The following SLCO1A2 variants were observed in gnomAD, a reference collection of about 807,000 sequenced individuals.
SLCO1A2 encodes OATP-1.
In SLCO1A2, 67 loss-of-function variants were observed where a neutral mutation model predicts 69.0. The ratio of observed to expected loss-of-function variants is 0.97; its 90% CI spans 0.80 to 1.19. The LOEUF is 1.19. SLCO1A2 is among the 50% of genes most tolerant of loss of function. SLCO1A2 has a pLI of 0.00. For synonymous variants in SLCO1A2, 260 were observed against 265.9 expected (o/e 0.98, Z 0.22); for missense variants, 787 against 793.7 (o/e 0.99, Z 0.10).
At chr12:21,396,666 T>C (rs1357730439), upstream of SLCO1A2, among the ~76,000 whole-genome samples, 97 of 152,024 alleles carry the variant, frequency 6.4e-4, no homozygotes, top group African/African-American at 1.2e-3. Flanking sequence ...AGACTAAAAG[T>C]GGATCTCTCA....
chr12:21,338,571 T>C (rs553617749), upstream of SLCO1A2, among the ~76,000 whole-genome samples: 4 of 151,998 alleles, frequency 2.6e-5, no homozygotes, highest in Non-Finnish European at 5.9e-5. Context: ...TACACTGAGG[T>C]CTCTTTTCTC....
At chr12:21,413,965 TTTTG>T (rs934615428) in intron 1 of SLCO1A2, among the ~76,000 whole-genome samples, 8 of 152,246 alleles carry the variant, frequency 5.3e-5, no homozygotes, top group South Asian at 4.1e-4. Context: ...TTAGCAAGCT[TTTTG>T]TTTGTTTGTT....
chr12:21,319,204 A>G (rs1951268879), intron 2 of SLCO1A2, among the ~76,000 whole-genome samples: 1 of 152,260 alleles, frequency 6.6e-6, no homozygotes, highest in Admixed American at 6.5e-5. Context: ...TAAGTAATAC[A>G]TAGCTGATAA....
intron 1 of SLCO1A2, chr12:21,378,353 G>C: frequency 6.2e-7 from 1 of 1,614,152 alleles, no homozygotes; most frequent in Non-Finnish European, 8.5e-7. Flanking sequence ...ACCAACGTGG[G>C]ATCCAATACA....
intron 2 of SLCO1A2, among the ~76,000 whole-genome samples, chr12:21,348,145 G>A (rs1229746854): frequency 6.6e-6 from 1 of 152,096 alleles, no homozygotes; most frequent in African/African-American, 2.4e-5. Flanking sequence ...ATATGTTTAT[G>A]GGGTACATGA....
At position 21,280,839 on chromosome 12, in the gene SLCO1A2, G is replaced by C. The variant is rs564781259; in HGVS notation, c.1611-5415C>G. Among the ~76,000 whole-genome samples, 25 of 151,256 alleles carry C rather than the reference G, an allele frequency of 1.7e-4. 1 individual carries two copies. In the East Asian group the frequency reaches 4.8e-3, roughly 29 times the overall value. The stretch of plus-strand genomic sequence containing the variant: ...ATTCTCAAGGATAGACCATATGTTA[G>C]CTCACAAACCAAGTCTTAAAACATC... On this transcript the variant is annotated intron_variant, in intron 12 of 14. Coordinates refer to ENST00000683939, the MANE Select transcript of SLCO1A2 (RefSeq NM_001386879.1).
intron 3 of SLCO1A2, among the ~76,000 whole-genome samples, chr12:21,317,432 G>A (rs1402886853): frequency 6.6e-6 from 1 of 151,968 alleles, no homozygotes; most frequent in Non-Finnish European, 1.5e-5. Context: ...TCTTCTCCTA[G>A]AAAATTTTAG....
exon 1 of SLCO1A2, chr12:21,395,113 G>C (rs150131137): frequency 1.1e-3 from 179 of 157,210 alleles, no homozygotes; most frequent in African/African-American, 4.1e-3. Flanking sequence ...CTGAGGTACC[G>C]GGTTCATCTC....
chr12:21,364,929 C>T (rs1032439993), intron 2 of SLCO1A2, among the ~76,000 whole-genome samples: 3 of 152,162 alleles, frequency 2.0e-5, no homozygotes, highest in South Asian at 2.1e-4. Flanking sequence ...ATTTCATGCT[C>T]GTGGATAGGA....
At chr12:21,289,184 C>CTGTGTGTG (rs10636619) in intron 12 of SLCO1A2, among the ~76,000 whole-genome samples, 2,394 of 136,956 alleles carry the variant, frequency 0.017, 36 homozygotes, top group East Asian at 0.05. Flanking sequence ...TGGTACCATT[C>CTGTGTGTG]TGTGTGTGTG....
intron 1 of SLCO1A2, chr12:21,378,107 C>T: frequency 2.5e-6 from 2 of 805,518 alleles, no homozygotes; most frequent in South Asian, 3.7e-5. Flanking sequence ...GTTTGCAAAC[C>T]AAAACACTGA....
At chr12:21,348,344 C>T (rs1356939268) in intron 2 of SLCO1A2, among the ~76,000 whole-genome samples, 1 of 152,088 alleles carries the variant, frequency 6.6e-6, no homozygotes, top group Non-Finnish European at 1.5e-5. Context: ...CTTATTCATT[C>T]TGTCTATTTT....
At chr12:21,307,902 T>A (rs1215526141) in intron 4 of SLCO1A2, among the ~76,000 whole-genome samples, 1 of 152,142 alleles carries the variant, frequency 6.6e-6, no homozygotes, top group Non-Finnish European at 1.5e-5. Flanking sequence ...GAACAATTGC[T>A]CATTGATGCC....
At chr12:21,372,247 T>C (rs184165672) in intron 2 of SLCO1A2, among the ~76,000 whole-genome samples, 1 of 152,292 alleles carries the variant, frequency 6.6e-6, no homozygotes, top group East Asian at 1.9e-4. Flanking sequence ...TACATATACC[T>C]ATGGATCTCT....
Position 21,379,357 on chromosome 12 carries a change from T to C in SLCO1A2, c.-189-4832A>G, listed in dbSNP as rs547477535. 2.6e-5 allele frequency: 4 copies of C among 152,342 alleles called. No individual in the cohort carries two copies. In the East Asian group the frequency reaches 7.7e-4, roughly 29 times the overall value. The allele number at this position is 152,342 out of a possible 1,614,324, so 9.4% of individuals were successfully genotyped here. A position where few individuals can be genotyped will look rare whatever the true frequency, so the allele number is the denominator to read the frequency against. On this transcript the variant is annotated intron_variant, in intron 1 of 15. Transcript: ENST00000307378. ...TTAGCAGCAGTGAGCTTCTATTAAA[T>C]GTATATGTCATTTATTTTGTTTAAG...
chr12:21,393,232 C>T (rs546523715), intron 1 of SLCO1A2, among the ~76,000 whole-genome samples: 2 of 152,210 alleles, frequency 1.3e-5, no homozygotes, highest in Admixed American at 1.3e-4. Flanking sequence ...CGATAATAAA[C>T]CTTCTATCAA....
At chr12:21,393,463 T>C (rs527478554) in intron 1 of SLCO1A2, among the ~76,000 whole-genome samples, 12 of 152,314 alleles carry the variant, frequency 7.9e-5, no homozygotes, top group African/African-American at 2.9e-4. Flanking sequence ...TCAATATAGA[T>C]ATAAAATTCT....
intron 1 of SLCO1A2, among the ~76,000 whole-genome samples, chr12:21,402,374 G>A (rs1298984633): frequency 6.6e-6 from 1 of 151,952 alleles, no homozygotes; most frequent in South Asian, 2.1e-4. Context: ...TATAAGAGAG[G>A]AAAATGCAAA....
chr12:21,312,018 G>A (rs11045965), intron 4 of SLCO1A2, among the ~76,000 whole-genome samples: 53,068 of 150,394 alleles, frequency 0.35, 9,719 homozygotes, highest in African/African-American at 0.46. Flanking sequence ...AAGAGGAGGA[G>A]GGAGGAGGAG....
Sources: allele counts gnomAD v4.1 joint callset (sites outside exome capture counted in the v4.1 genomes callset), GRCh38; gene constraint gnomAD v4.1.1; transcripts MANE v1.5; gene names NCBI Gene and HGNC (gene_info 2026-07-23, HGNC 2026-07-21).